ASPH: variants seen among roughly 807,000 people sequenced by gnomAD.
ASPH encodes the protein aspartate beta-hydroxylase.
In ASPH, 100 loss-of-function variants were observed where a neutral mutation model predicts 118.4. The observed-to-expected ratio is 0.84, with a 90% CI of 0.72 to 1.00. The LOEUF is 1.00. Among genes scored for constraint, ASPH ranks in the 50% least tolerant of loss-of-function variants. ASPH has a pLI of 0.00. For missense variants in ASPH, 920 were observed against 919.5 expected (o/e 1.00, Z -0.01); for synonymous variants, 315 against 325.6 (o/e 0.97, Z 0.35).
chr8:61,577,977 A>G (rs1181184914), intron 15 of ASPH, among the ~76,000 whole-genome samples: 2 of 152,162 alleles, frequency 1.3e-5, no homozygotes, highest in Admixed American at 6.5e-5. Context: ...CAAAAGTTTA[A>G]CTCATTCCAG....
At chr8:61,705,868 C>T (rs11784377) in intron 1 of ASPH, among the ~76,000 whole-genome samples, 20,068 of 152,038 alleles carry the variant, frequency 0.13, 1,362 homozygotes, top group African/African-American at 0.16. Context: ...CAACTTACTT[C>T]GAAAGGCATG....
At chr8:61,550,710 T>G (rs1289196549) in intron 20 of ASPH, among the ~76,000 whole-genome samples, 2 of 152,236 alleles carry the variant, frequency 1.3e-5, no homozygotes, top group Non-Finnish European at 2.9e-5. Context: ...GAATGTTATG[T>G]TATTTTGCAT....
intron 24 of ASPH, among the ~76,000 whole-genome samples, chr8:61,507,177 C>T (rs17789990): frequency 0.02 from 3,034 of 152,240 alleles, 41 homozygotes; most frequent in Middle Eastern, 0.041. Context: ...CACCGGAACA[C>T]GCTGGTCACT....
At chr8:61,626,085 T>A (rs1321018415) in intron 13 of ASPH, 10 of 1,245,600 alleles carry the variant, frequency 8.0e-6, no homozygotes, top group Non-Finnish European at 1.0e-5. Flanking sequence ...GAAATGTGTG[T>A]TTCTAAAAAG....
intron 22 of ASPH, among the ~76,000 whole-genome samples, chr8:61,524,017 G>A (rs932765234): frequency 6.6e-6 from 1 of 152,202 alleles, no homozygotes; most frequent in African/African-American, 2.4e-5. Flanking sequence ...AGGAGTTGGA[G>A]CTGTAATGAG....
chr8:61,654,185 C>CA (rs1397067262), intron 3 of ASPH, among the ~76,000 whole-genome samples: 146 of 152,282 alleles, frequency 9.6e-4, no homozygotes, highest in African/African-American at 3.4e-3. Context: ...TCATATTATT[C>CA]TATAACAGCT....
chr8:61,626,095 G>GAAA, intron 13 of ASPH: 1 of 1,237,850 alleles, frequency 8.1e-7, no homozygotes, highest in East Asian at 3.2e-5. Context: ...TTTCTAAAAA[G>GAAA]AAAAAAAAAT....
chr8:61,672,205 T>C (rs1377115402), intron 3 of ASPH, among the ~76,000 whole-genome samples: 2 of 152,182 alleles, frequency 1.3e-5, no homozygotes, highest in African/African-American at 4.8e-5. Context: ...CAATTGCTTT[T>C]TTATTTTTAA....
chr8:61,596,510 G>T (rs1199504291), intron 14 of ASPH, among the ~76,000 whole-genome samples: 1 of 152,168 alleles, frequency 6.6e-6, no homozygotes, highest in African/African-American at 2.4e-5. Flanking sequence ...CACTGCCTAG[G>T]GGCCCACAGA....
intron 1 of ASPH, among the ~76,000 whole-genome samples, chr8:61,689,078 C>T (rs1458429624): frequency 6.6e-6 from 1 of 152,158 alleles, no homozygotes; most frequent in Non-Finnish European, 1.5e-5. Context: ...GAAAGACTAT[C>T]TTAATTTACA....
At chr8:61,663,561 T>G (rs1216799209) in intron 3 of ASPH, 12 of 985,288 alleles carry the variant, frequency 1.2e-5, no homozygotes, top group Non-Finnish European at 1.3e-5. Context: ...TGGGATCTAG[T>G]CATCTGAAGT....
chr8:61,582,772 C>T (rs969858592), intron 15 of ASPH, among the ~76,000 whole-genome samples: 7 of 152,098 alleles, frequency 4.6e-5, no homozygotes. Context: ...TACTTAAAGC[C>T]CACTTGTTCC....
At chr8:61,676,160 T>C (rs749398254) in intron 3 of ASPH, 6 of 1,599,306 alleles carry the variant, frequency 3.8e-6, no homozygotes, top group Non-Finnish European at 5.1e-6. Context: ...ATCTGCGGTT[T>C]CGCTTTCTTC....
At chr8:61,697,656 TA>T (rs1434413396) in intron 1 of ASPH, among the ~76,000 whole-genome samples, 2 of 152,194 alleles carry the variant, frequency 1.3e-5, no homozygotes, top group African/African-American at 4.8e-5. Flanking sequence ...ACACATTTAC[TA>T]GTTGATTATA....
intron 22 of ASPH, among the ~76,000 whole-genome samples, chr8:61,518,771 C>T (rs956274362): frequency 6.6e-6 from 1 of 152,148 alleles, no homozygotes; most frequent in African/African-American, 2.4e-5. Flanking sequence ...ATCTACAGTA[C>T]ATATCAATCA....
At chr8:61,680,943 C>A (rs1554571886) in intron 3 of ASPH, 25 bp downstream of exon 3, 2 of 1,562,778 alleles carry the variant, frequency 1.3e-6, no homozygotes, top group Non-Finnish European at 1.7e-6. Context: ...TCACCACTAA[C>A]AAAAAACATA....
intron 12 of ASPH, 121 bp from the exon 13 acceptor site, chr8:61,633,848 T>C (rs1856649241): frequency 1.5e-6 from 1 of 682,442 alleles, no homozygotes; most frequent in South Asian, 2.6e-5. Context: ...TCAATTGAAA[T>C]TTTAATAAAA....
At chr8:61,552,812 T>C (rs1826480181) in intron 20 of ASPH, among the ~76,000 whole-genome samples, 2 of 152,200 alleles carry the variant, frequency 1.3e-5, no homozygotes, top group Non-Finnish European at 1.5e-5. Flanking sequence ...GCTGATTTCT[T>C]GAAAGAAACT....
chr8:61,662,900 T>C, intron 3 of ASPH: 1 of 984,758 alleles, frequency 1.0e-6, no homozygotes, highest in South Asian at 4.7e-5. Context: ...ATATTTTCAC[T>C]CATTTGTTTA....
Sources: allele counts gnomAD v4.1 joint callset (sites outside exome capture counted in the v4.1 genomes callset), GRCh38; gene constraint gnomAD v4.1.1; transcripts MANE v1.5; gene names NCBI Gene and HGNC (gene_info 2026-07-23, HGNC 2026-07-21).